The following MBLAC2 variants were observed in gnomAD, a reference collection of about 807,000 sequenced individuals.
MBLAC2 encodes the protein metallo-beta-lactamase domain containing 2, also known as acyl-coenzyme A thioesterase MBLAC2.
MBLAC2 carries 24 observed loss-of-function variants against 23.3 expected under a neutral mutation model. That is an observed-to-expected ratio of 1.03 (90% confidence interval 0.75 to 1.45). The LOEUF (loss-of-function observed/expected upper bound fraction) is 1.45. Ranked by LOEUF, MBLAC2 falls within the 40% of genes most tolerant of loss-of-function variation. The probability of loss-of-function intolerance (pLI) is 0.00; values close to 1 mark genes in which losing one functional copy is unlikely to be tolerated. For missense variants in MBLAC2, 358 were observed against 370.0 expected (o/e 0.97, Z 0.27); for synonymous variants, 162 against 150.9 (o/e 1.07, Z -0.54).
intron 1 of MBLAC2, among the ~76,000 whole-genome samples, chr5:90,470,172 G>T (rs1029573158): frequency 2.0e-5 from 3 of 152,204 alleles, no homozygotes; most frequent in African/African-American, 7.2e-5. Flanking sequence ...TATGTGGGAG[G>T]TAGTGCTAGT....
rs550403444 is a variant in MBLAC2, at chr5:90,458,955, T to C, written c.*2212A>G. On this transcript the variant is annotated 3_prime_UTR_variant, in exon 2 of 2. Coordinates refer to ENST00000316610, the MANE Select transcript of MBLAC2 (RefSeq NM_203406.2). The stretch of plus-strand genomic sequence containing the variant: ...AAAAATAATAATGTGTTTTGAAAAA[T>C]TGCACTTTTTATAAATAAATCCTTC... 4.6e-5 allele frequency: 7 copies of C among 152,690 alleles called. No individual in the cohort carries two copies. The highest frequency in any genetic ancestry group is 2.1e-4 in the South Asian group (1 of 4,820). 9.5% of individuals were successfully genotyped at this position (152,690 alleles called of 1,614,324 possible). A position where few individuals can be genotyped will look rare whatever the true frequency, so the allele number is the denominator to read the frequency against.
At position 90,474,699 on chromosome 5, in the gene MBLAC2, C is replaced by T. The variant is rs1017499504; in HGVS notation, c.-407G>A. The T allele has an allele frequency of 4.3e-6, 1 of 230,184 alleles. No homozygotes were observed. The highest frequency in any genetic ancestry group is 8.6e-6 in the Non-Finnish European group (1 of 116,482). The allele number at this position is 230,184 out of a possible 1,614,324, so 14.3% of individuals were successfully genotyped here. On this transcript the variant is annotated 5_prime_UTR_variant, in exon 1 of 2. Transcript: ENST00000316610. ...GCAGTGAGGGTGGGAAGAGCTAGAA[C>T]CGCCCACCCACTGGCTCTGCAGGGC...
chr5:90,461,006 TTAAAC>T lies in MBLAC2; in HGVS notation c.*156_*160del, dbSNP rs1177370111. The T allele has an allele frequency of 3.0e-5, 19 of 630,778 alleles. No homozygotes were observed. Among genetic ancestry groups the T allele is most frequent in the Admixed American group, 1.1e-4 (3 of 27,154 alleles). The allele number at this position is 630,778 out of a possible 1,614,324, so 39.1% of individuals were successfully genotyped here. A position where few individuals can be genotyped will look rare whatever the true frequency, so the allele number is the denominator to read the frequency against. On this transcript the variant is annotated 3_prime_UTR_variant, in exon 2 of 2. Transcript: ENST00000316610. ...TCTTTCTTGGAAGAAAGAAAACAAT[TTAAAC>T]TAACAATTTTCTTTTTGGCTTATTC...
rs1392265213 is a variant in MBLAC2, at chr5:90,474,109, G to C, written c.184C>G (p.Leu62Val). 16 of 1,578,432 alleles carry C rather than the reference G, an allele frequency of 1.0e-5. No homozygotes were observed. Among genetic ancestry groups the C allele is most frequent in the Non-Finnish European group, 1.4e-5 (16 of 1,162,072 alleles). The change falls in exon 1 of 2, where the codon CTC becomes GTC. Residue 62 changes from leucine (L) to valine (V), a missense_variant. Physicochemically the swap from Leu to Val is conservative, Grantham distance 32 (BLOSUM62 1). Transcript: ENST00000316610. The part of the protein sequence containing the change: ...SLPEYLYSSG[L>V]LQDREAKEDA... ...TCTTTGGCCTCTCGGTCCTGCAAGA[G>C]GCCGGAGGAGTACAGGTACTCCGGG... is the stretch of plus-strand genomic sequence containing the variant.
intron 1 of MBLAC2, among the ~76,000 whole-genome samples, chr5:90,466,828 G>C (rs1188565075): frequency 6.6e-6 from 1 of 152,140 alleles, no homozygotes; most frequent in Non-Finnish European, 1.5e-5. Context: ...GAAAAGGATT[G>C]ACAAAACCAA....
In MBLAC2 at chr5:90,474,448, T is replaced by C. The variant is rs909082805; in HGVS notation, c.-156A>G. 7.4e-6 allele frequency: 5 copies of C among 678,828 alleles called. No individual in the cohort carries two copies. The highest frequency in any genetic ancestry group is 1.8e-5 in the African/African-American group (1 of 54,822). 42.1% of individuals were successfully genotyped at this position (678,828 alleles called of 1,614,324 possible). A position where few individuals can be genotyped will look rare whatever the true frequency, so the allele number is the denominator to read the frequency against. ...GGGGCGTGGGATGCGGGGGTCGGAA[T>C]AGGAGGAGGAAGGACGCAGACCGAC... On this transcript the variant is annotated 5_prime_UTR_variant, in exon 1 of 2. Coordinates refer to ENST00000316610, the MANE Select transcript of MBLAC2 (RefSeq NM_203406.2).
At chr5:90,468,748 TA>T (rs1750493892) in intron 1 of MBLAC2, among the ~76,000 whole-genome samples, 1 of 152,084 alleles carries the variant, frequency 6.6e-6, no homozygotes, top group Non-Finnish European at 1.5e-5. Context: ...CACAGTGGAA[TA>T]AAATTGGAAA....
At position 90,468,936 on chromosome 5, in the gene MBLAC2, T is replaced by A. The variant is rs187686987; in HGVS notation, c.454+4903A>T. On this transcript the variant is annotated intron_variant, in intron 1 of 1. Coordinates refer to ENST00000316610, the MANE Select transcript of MBLAC2 (RefSeq NM_203406.2). Reference sequence around the variant, plus strand: ...CTCTGGGATACGGCAAAAGCAGTGCTAAGAGGAAAGTTCATAGCATTAAAT... The same window carrying A: ...CTCTGGGATACGGCAAAAGCAGTGCAAAGAGGAAAGTTCATAGCATTAAAT... 2.4e-3 allele frequency among the ~76,000 whole-genome samples: 360 copies of A among 152,248 alleles called. 3 individuals are homozygous for A. The highest frequency in any genetic ancestry group is 8.1e-3 in the African/African-American group (336 of 41,532).
chr5:90,473,984 G>C lies in MBLAC2; in HGVS notation c.309C>G (p.Ala103=). 6.3e-7 allele frequency: 1 copy of C among 1,598,742 alleles called. No homozygotes were observed. The highest frequency in any genetic ancestry group is 2.3e-5 in the East Asian group (1 of 44,262). ...CCCCGCGAGCCAGCGCCTCGGCCTC[G>C]GCGTGGTGCACTGCCACGCGGTCGA... is the stretch of plus-strand genomic sequence containing the variant. ...YQFDRVAVHH[A]EAEALARGDN... The change falls in exon 1 of 2, where the codon GCC becomes GCG. Residue 103 remains alanine (A), a synonymous_variant. Coordinates refer to ENST00000316610, the MANE Select transcript of MBLAC2 (RefSeq NM_203406.2).
intron 1 of MBLAC2, chr5:90,473,559 C>T (rs1057097958): frequency 7.8e-6 from 5 of 639,726 alleles, no homozygotes; most frequent in Non-Finnish European, 1.1e-5. Flanking sequence ...CTGCTACAGC[C>T]GATGCAGGAA....
chr5:90,467,207 G>A (rs545942317), intron 1 of MBLAC2, among the ~76,000 whole-genome samples: 170 of 152,260 alleles, frequency 1.1e-3, no homozygotes, highest in African/African-American at 3.9e-3. Flanking sequence ...TTGTTCTAGG[G>A]TATAGTTTAA....
intron 1 of MBLAC2, among the ~76,000 whole-genome samples, chr5:90,470,701 A>AAC (rs1750529177): frequency 1.3e-5 from 2 of 150,360 alleles, no homozygotes; most frequent in Admixed American, 6.7e-5. Context: ...AAACTAGTAG[A>AAC]ACACACACAC....
rs773421739 is a variant in MBLAC2, at chr5:90,461,426, C to T, written c.581G>A (p.Gly194Glu). The part of the protein sequence containing the change: ...ILFSGDVVYD[G>E]SLIDWLPYSR... ...GTATGGGAGCCAGTCAATCAGTGAT[C>T]CATCATACACGACGTCTCCACTGAA... Residue 194 changes from glycine (G) to glutamate (E), a missense_variant, in exon 2 of 2, where the codon GGA becomes GAA. By Grantham distance (98) the Gly-to-Glu change is moderately conservative. Transcript: ENST00000316610. 1.9e-6 allele frequency: 3 copies of T among 1,614,108 alleles called. No individual in the cohort carries two copies. The highest frequency in any genetic ancestry group is 2.5e-6 in the Non-Finnish European group (3 of 1,179,996).
chr5:90,473,548 A>T (rs938252446), intron 1 of MBLAC2: 2 of 627,508 alleles, frequency 3.2e-6, no homozygotes, highest in African/African-American at 3.7e-5. Context: ...TTGTAGTGTT[A>T]CTGCTACAGC....
At chr5:90,462,498 C>A (rs756734420) in intron 1 of MBLAC2, among the ~76,000 whole-genome samples, 1 of 151,880 alleles carries the variant, frequency 6.6e-6, no homozygotes, top group Non-Finnish European at 1.5e-5. Context: ...ATATATGCAG[C>A]CTACAAGAAA....
intron 1 of MBLAC2, among the ~76,000 whole-genome samples, chr5:90,461,838 A>C (rs1750374062): frequency 6.6e-6 from 1 of 152,098 alleles, no homozygotes; most frequent in African/African-American, 2.4e-5. Flanking sequence ...AATTTGAGGA[A>C]CTCTCACTTT....
At chr5:90,471,792 G>C (rs1248947127) in intron 1 of MBLAC2, 3 of 152,184 alleles carry the variant, frequency 2.0e-5, no homozygotes, top group Non-Finnish European at 4.4e-5. Flanking sequence ...ACATCATTCA[G>C]AAGATACGGG....
chr5:90,474,129 T>G lies in MBLAC2; in HGVS notation c.164A>C (p.Glu55Ala), dbSNP rs1561242453. The change falls in exon 1 of 2, where the codon GAG (glutamate) becomes GCG (alanine). Residue 55 changes from glutamate to alanine, a missense_variant. Glu to Ala is a moderately radical substitution (Grantham distance 107). Coordinates refer to ENST00000316610, the MANE Select transcript of MBLAC2 (RefSeq NM_203406.2). ...CAAGAGGCCGGAGGAGTACAGGTAC[T>G]CCGGGAGGCTGCGCAGCCCCAGGCC... ...DTGLGLRSLP[E>A]YLYSSGLLQD... 1.3e-6 allele frequency: 2 copies of G among 1,584,692 alleles called. No individual in the cohort carries two copies. The highest frequency in any genetic ancestry group is 1.7e-4 in the Middle Eastern group (1 of 6,024).
In MBLAC2 at chr5:90,467,068, C is replaced by G. The variant is rs531373048; in HGVS notation, c.455-5516G>C. Among the ~76,000 whole-genome samples the G allele has an allele frequency of 2.5e-3, 380 of 152,286 alleles. 2 individuals are homozygous for G. Among genetic ancestry groups the G allele is most frequent in the South Asian group, 7.7e-3 (37 of 4,822 alleles). On this transcript the variant is annotated intron_variant, in intron 1 of 1. Coordinates refer to ENST00000316610, the MANE Select transcript of MBLAC2 (RefSeq NM_203406.2). Reference sequence around the variant, plus strand: ...AGGAGAATCGCTTGAACTTGGGAGGCAGAGGCTGCAGTGAGATTGCACCAT... The same window carrying G: ...AGGAGAATCGCTTGAACTTGGGAGGGAGAGGCTGCAGTGAGATTGCACCAT...
Sources: allele counts gnomAD v4.1 joint callset (sites outside exome capture counted in the v4.1 genomes callset), GRCh38; gene constraint gnomAD v4.1.1; transcripts MANE v1.5; gene names NCBI Gene and HGNC (gene_info 2026-07-23, HGNC 2026-07-21).